Variants in PTPRD observed in about 807,000 individuals in gnomAD.
PTPRD encodes receptor-type tyrosine-protein phosphatase delta.
Under a neutral mutation model 214.5 loss-of-function variants are expected in PTPRD, and 34 were observed. The ratio of observed to expected loss-of-function variants is 0.16; its 90% CI spans 0.12 to 0.21. The LOEUF (loss-of-function observed/expected upper bound fraction) is 0.21. PTPRD is among the 10% of genes least tolerant of loss of function. The pLI, the probability that PTPRD is intolerant of heterozygous loss-of-function variation, is 1.00. For missense variants in PTPRD, 2,545 were observed against 2,398.7 expected (o/e 1.06, Z -1.27); for synonymous variants, 1,128 against 845.7 (o/e 1.33, Z -5.79).
chr9:8,998,207 G>T (rs902799268), intron 11 of PTPRD, among the ~76,000 whole-genome samples: 1 of 152,072 alleles, frequency 6.6e-6, no homozygotes, highest in South Asian at 2.1e-4. Flanking sequence ...TCTATTGGAA[G>T]AAGATACATC....
chr9:9,566,600 A>G (rs939180413), intron 8 of PTPRD, among the ~76,000 whole-genome samples: 2 of 152,044 alleles, frequency 1.3e-5, no homozygotes, highest in Non-Finnish European at 2.9e-5. Context: ...TAGACTATGT[A>G]TTTAACATAA....
intron 2 of PTPRD, among the ~76,000 whole-genome samples, chr9:10,450,622 T>A (rs925809129): frequency 2.6e-5 from 4 of 152,014 alleles, no homozygotes; most frequent in Non-Finnish European, 4.4e-5. Context: ...AAAAGAACTG[T>A]AATATTAAAA....
At chr9:8,908,809 C>G (rs1206793560) in intron 11 of PTPRD, among the ~76,000 whole-genome samples, 1 of 151,192 alleles carries the variant, frequency 6.6e-6, no homozygotes, top group African/African-American at 2.4e-5. Flanking sequence ...AGTAAGAAAA[C>G]TGATAAACCT....
chr9:10,025,871 T>C (rs773624959), intron 4 of PTPRD, among the ~76,000 whole-genome samples: 14 of 152,144 alleles, frequency 9.2e-5, no homozygotes, highest in Non-Finnish European at 1.8e-4. Flanking sequence ...TCACGGAACA[T>C]TTCAACCTCA....
Position 8,471,026 on chromosome 9 carries a change from C to A in PTPRD, c.3473G>T (p.Trp1158Leu). 1.2e-6 allele frequency: 2 copies of A among 1,613,412 alleles called. No homozygotes were observed. The highest frequency in any genetic ancestry group is 1.7e-6 in the Non-Finnish European group (2 of 1,179,492). The change falls in exon 31 of 46, where the codon TGG becomes TTG. Residue 1158 changes from tryptophan (W) to leucine (L), a missense_variant. Coordinates refer to ENST00000381196, the MANE Select transcript of PTPRD (RefSeq NM_002839.4). ...TAATTCCATTTCATCTGGACTCTCC[C>A]ATGGCTTGATAAATTTCCCGCGAGA... ...KKSRGKFIKP[W>L]ESPDEMELDE...
At chr9:10,507,111 A>G (rs2046259138) in intron 2 of PTPRD, among the ~76,000 whole-genome samples, 1 of 152,156 alleles carries the variant, frequency 6.6e-6, no homozygotes, top group Non-Finnish European at 1.5e-5. Context: ...TCGGGATAAA[A>G]AATCAATGTG....
chr9:9,160,688 T>C (rs1245048694), intron 10 of PTPRD, among the ~76,000 whole-genome samples: 3 of 152,144 alleles, frequency 2.0e-5, no homozygotes, highest in Non-Finnish European at 4.4e-5. Context: ...GGATATACAT[T>C]CAAAGGAATT....
chr9:10,566,132 A>G (rs2065532514), intron 2 of PTPRD, among the ~76,000 whole-genome samples: 1 of 152,008 alleles, frequency 6.6e-6, no homozygotes, highest in Non-Finnish European at 1.5e-5. Context: ...TTCTTTGCTC[A>G]GGTACTCATC....
At chr9:8,565,677 C>G (rs1323205937) in intron 14 of PTPRD, among the ~76,000 whole-genome samples, 1 of 152,064 alleles carries the variant, frequency 6.6e-6, no homozygotes, top group East Asian at 1.9e-4. Context: ...AGAAAAAATA[C>G]AACAAAAGAT....
At chr9:9,521,960 C>T (rs537212484) in intron 8 of PTPRD, among the ~76,000 whole-genome samples, 98 of 152,056 alleles carry the variant, frequency 6.4e-4, no homozygotes, top group African/African-American at 1.4e-3. Flanking sequence ...GAGTTTGAGA[C>T]GAGCCTGACC....
chr9:9,018,735 C>A lies in PTPRD; in HGVS notation c.-142G>T, dbSNP rs1389984888. 5 of 152,072 alleles carry A rather than the reference C, an allele frequency of 3.3e-5. No individual in the cohort carries two copies. Among genetic ancestry groups the A allele is most frequent in the Non-Finnish European group, 7.4e-5 (5 of 68,026 alleles). 9.4% of individuals were successfully genotyped at this position (152,072 alleles called of 1,614,324 possible). Reference sequence around the variant, plus strand: ...CCCACGGGTGTTCACCAGACGTCTCCCTAAACAAAGAAGAAATGTGACAAC... The same window carrying A: ...CCCACGGGTGTTCACCAGACGTCTCACTAAACAAAGAAGAAATGTGACAAC... On this transcript the variant is annotated splice_region_variant and 5_prime_UTR_variant, in exon 11 of 46. Coordinates refer to ENST00000381196, the MANE Select transcript of PTPRD (RefSeq NM_002839.4).
chr9:8,611,107 A>C (rs2095430361), intron 14 of PTPRD, among the ~76,000 whole-genome samples: 1 of 152,228 alleles, frequency 6.6e-6, no homozygotes, highest in Non-Finnish European at 1.5e-5. Context: ...TACATTTCTT[A>C]TAATCACTAA....
chr9:10,503,831 C>T (rs376408019), intron 2 of PTPRD, among the ~76,000 whole-genome samples: 2 of 151,624 alleles, frequency 1.3e-5, no homozygotes, highest in South Asian at 2.1e-4. Flanking sequence ...AAAAGATATA[C>T]GAAGGCTGGG....
At chr9:8,744,465 C>T (rs112700900) in intron 11 of PTPRD, among the ~76,000 whole-genome samples, 1 of 152,042 alleles carries the variant, frequency 6.6e-6, no homozygotes, top group Admixed American at 6.5e-5. Context: ...TATGACTAAG[C>T]CATAAAAAGG....
At chr9:9,271,158 T>C (rs879348923) in intron 9 of PTPRD, among the ~76,000 whole-genome samples, 2 of 151,272 alleles carry the variant, frequency 1.3e-5, no homozygotes, top group Non-Finnish European at 3.0e-5. Flanking sequence ...AGAAAGCCAC[T>C]CTTCAAAGAT....
intron 2 of PTPRD, among the ~76,000 whole-genome samples, chr9:10,390,717 A>G (rs1490810955): frequency 6.6e-6 from 1 of 151,726 alleles, no homozygotes; most frequent in Non-Finnish European, 1.5e-5. Flanking sequence ...GAGACTAAAC[A>G]CTTCTAGGAA....
At chr9:9,002,502 C>G (rs1295093434) in intron 11 of PTPRD, among the ~76,000 whole-genome samples, 1 of 151,878 alleles carries the variant, frequency 6.6e-6, no homozygotes, top group East Asian at 1.9e-4. Context: ...ATGCCTGTTT[C>G]TTTTATAATT....
chr9:9,982,941 A>G (rs1408550805), intron 4 of PTPRD, among the ~76,000 whole-genome samples: 1 of 152,080 alleles, frequency 6.6e-6, no homozygotes, highest in Non-Finnish European at 1.5e-5. Flanking sequence ...AGTTTTCTGT[A>G]TGGAAAAACA....
rs117140547 is a variant in PTPRD, at chr9:8,338,483, G to A, written c.5379+439C>T. 5.1e-3 allele frequency among the ~76,000 whole-genome samples: 771 copies of A among 152,112 alleles called. 5 individuals are homozygous for A. Among genetic ancestry groups the A allele is most frequent in the Non-Finnish European group, 7.0e-3 (479 of 67,970 alleles). ...TTCTAAAGAATGCCATTTGCTCTGC[G>A]GTTTTAAAATCATACCAAATTAACC... On this transcript the variant is annotated intron_variant, in intron 43 of 45. Transcript: ENST00000381196.
Sources: allele counts gnomAD v4.1 joint callset (sites outside exome capture counted in the v4.1 genomes callset), GRCh38; gene constraint gnomAD v4.1.1; transcripts MANE v1.5; gene names NCBI Gene and HGNC (gene_info 2026-07-23, HGNC 2026-07-21).